Variants in ANKS1B observed in about 807,000 individuals in gnomAD.
The protein encoded by ANKS1B is ankyrin repeat and sterile alpha motif domain containing 1B, also known as ankyrin repeat and sterile alpha motif domain-containing protein 1B.
In ANKS1B, 36 loss-of-function variants were observed where a neutral mutation model predicts 148.3. The observed-to-expected ratio is 0.24, with a 90% confidence interval of 0.19 to 0.32. ANKS1B has a LOEUF of 0.32. ANKS1B is among the 10% of genes least tolerant of loss of function. The probability of loss-of-function intolerance (pLI) is 1.00; values close to 1 mark genes in which losing one functional copy is unlikely to be tolerated. For missense variants in ANKS1B, 1,157 were observed against 1,542.6 expected, an observed-to-expected ratio of 0.75 and a Z score of 4.19; for synonymous variants, 542 against 560.8, an observed-to-expected ratio of 0.97 and a Z score of 0.47.
intron 9 of ANKS1B, among the ~76,000 whole-genome samples, chr12:99,608,075 G>A (rs1424024513): frequency 6.6e-6 from 1 of 152,082 alleles, no homozygotes; most frequent in African/African-American, 2.4e-5. Flanking sequence ...TCTTAGAGCT[G>A]AGGTAAAAGC....
intron 1 of ANKS1B, among the ~76,000 whole-genome samples, chr12:99,935,357 C>CAA (rs10629199): frequency 0.15 from 19,638 of 130,034 alleles, 1,494 homozygotes; most frequent in Middle Eastern, 0.19. Context: ...AGATGCCTGA[C>CAA]AAAAAAAAAA....
At chr12:99,791,683 A>C (rs1410256402) in intron 4 of ANKS1B, among the ~76,000 whole-genome samples, 1 of 152,000 alleles carries the variant, frequency 6.6e-6, no homozygotes, top group Admixed American at 6.6e-5. Flanking sequence ...ATCAGAAAGA[A>C]AATTTAAAAA....
intron 8 of ANKS1B, among the ~76,000 whole-genome samples, chr12:99,661,659 G>A (rs2098478130): frequency 6.6e-6 from 1 of 152,034 alleles, no homozygotes; most frequent in Non-Finnish European, 1.5e-5. Context: ...GGTTTTCTCT[G>A]GCAAAGACTA....
intron 17 of ANKS1B, among the ~76,000 whole-genome samples, chr12:98,965,946 T>C (rs1466279037): frequency 2.6e-5 from 4 of 152,122 alleles, no homozygotes; most frequent in Non-Finnish European, 4.4e-5. Context: ...ATAAAAACCC[T>C]AGAAGAAAAC....
At chr12:98,903,074 TTCTC>T (rs775986148) in intron 17 of ANKS1B, among the ~76,000 whole-genome samples, 39 of 152,144 alleles carry the variant, frequency 2.6e-4, no homozygotes, top group Non-Finnish European at 5.3e-4. Flanking sequence ...ATTATGATAA[TTCTC>T]TAGGAATGCA....
chr12:98,944,152 T>G (rs2099841398), intron 17 of ANKS1B, among the ~76,000 whole-genome samples: 1 of 151,888 alleles, frequency 6.6e-6, no homozygotes, highest in South Asian at 2.1e-4. Flanking sequence ...ATACAAAAAC[T>G]AGCTGGGTGT....
Position 99,307,282 on chromosome 12 carries a change from T to C in ANKS1B, c.1757-60418A>G, listed in dbSNP as rs367543321. On this transcript the variant is annotated intron_variant, in intron 12 of 26. Transcript: ENST00000683438. ...TTTCAGGGAGGAAAATCCAGGTTTATATGCAAAAATGTAGCCAGTATGCAT... is the reference window on the plus strand; with the variant it reads ...TTTCAGGGAGGAAAATCCAGGTTTACATGCAAAAATGTAGCCAGTATGCAT... Among the ~76,000 whole-genome samples, 29 of 152,146 alleles carry C rather than the reference T, an allele frequency of 1.9e-4. No homozygotes were observed. The South Asian group carries it at 6.0e-3, about 32-fold the overall frequency.
chr12:98,889,423 C>T (rs1234816644), intron 17 of ANKS1B, among the ~76,000 whole-genome samples: 1 of 152,022 alleles, frequency 6.6e-6, no homozygotes, highest in African/African-American at 2.4e-5. Flanking sequence ...TCTCGGCTCA[C>T]TGCAACCTCC....
In ANKS1B at chr12:99,717,499, C is replaced by T. The variant is rs565038499; in HGVS notation, c.1128+55423G>A. ...TCTGGCCACCAGGCCAAGGAATGCC[C>T]ACAGCCCGGGATTCCTCCTAAGCCG... is the stretch of plus-strand genomic sequence containing the variant. On this transcript the variant is annotated intron_variant, in intron 8 of 26. Transcript: ENST00000683438. Among the ~76,000 whole-genome samples the T allele has an allele frequency of 3.3e-5, 5 of 152,292 alleles. No individual in the cohort carries two copies. In the East Asian group the frequency reaches 5.8e-4, roughly 18 times the overall value.
intron 22 of ANKS1B, among the ~76,000 whole-genome samples, chr12:98,786,500 A>G (rs566760044): frequency 2.0e-5 from 3 of 152,328 alleles, no homozygotes; most frequent in Admixed American, 2.0e-4. Flanking sequence ...TTTTAATTTT[A>G]AATTATGAAC....
intron 1 of ANKS1B, among the ~76,000 whole-genome samples, chr12:99,861,575 G>T (rs2090018124): frequency 6.6e-6 from 1 of 151,834 alleles, no homozygotes; most frequent in African/African-American, 2.4e-5. Context: ...ATTATATTTG[G>T]GAAAAGCTAC....
At chr12:99,947,438 T>C (rs1422382738) in intron 1 of ANKS1B, among the ~76,000 whole-genome samples, 2 of 151,678 alleles carry the variant, frequency 1.3e-5, no homozygotes, top group African/African-American at 4.8e-5. Context: ...GGCAAGAAAA[T>C]TGAGACAGTG....
intron 15 of ANKS1B, among the ~76,000 whole-genome samples, chr12:99,153,752 C>T (rs1036421216): frequency 2.0e-5 from 3 of 152,110 alleles, no homozygotes; most frequent in Admixed American, 6.6e-5. Context: ...TGGAAGTAAA[C>T]GCTCTCCATA....
Position 99,796,542 on chromosome 12 carries a change from G to T in ANKS1B, c.669+9862C>A, listed in dbSNP as rs568312032. On this transcript the variant is annotated intron_variant, in intron 4 of 26. Coordinates refer to ENST00000683438, the MANE Select transcript of ANKS1B (RefSeq NM_001352186.2). The stretch of plus-strand genomic sequence containing the variant: ...TGGCAGCTTGGCTTTTAGTATCTCT[G>T]AAAATTCATATATCCTATGAGAAAC... Among the ~76,000 whole-genome samples, 8 of 151,950 alleles carry T rather than the reference G, an allele frequency of 5.3e-5. No homozygotes were observed. In the South Asian group the frequency reaches 8.3e-4, roughly 16 times the overall value.
intron 17 of ANKS1B, among the ~76,000 whole-genome samples, chr12:98,927,420 G>C (rs1279711691): frequency 3.3e-5 from 5 of 151,986 alleles, no homozygotes; most frequent in Admixed American, 6.6e-5. Flanking sequence ...AAGAGTACCA[G>C]TACAAGTAAC....
At chr12:99,413,642 T>A (rs1483830893) in intron 11 of ANKS1B, among the ~76,000 whole-genome samples, 2 of 152,228 alleles carry the variant, frequency 1.3e-5, no homozygotes, top group Admixed American at 6.5e-5. Context: ...AGAAAATTTT[T>A]AAAAATCTTT....
intron 17 of ANKS1B, among the ~76,000 whole-genome samples, chr12:98,973,001 C>T (rs537064405): frequency 6.6e-6 from 1 of 152,172 alleles, no homozygotes; most frequent in South Asian, 2.1e-4. Context: ...TAAAACAAAC[C>T]TCAAAATTTC....
At chr12:99,540,691 C>T (rs1012657104) in intron 9 of ANKS1B, among the ~76,000 whole-genome samples, 5 of 151,606 alleles carry the variant, frequency 3.3e-5, no homozygotes, top group African/African-American at 1.2e-4. Flanking sequence ...AGCTGTAAGC[C>T]TATTTTTAAA....
At chr12:99,569,730 C>G (rs1238280239) in intron 9 of ANKS1B, among the ~76,000 whole-genome samples, 1 of 152,162 alleles carries the variant, frequency 6.6e-6, no homozygotes, top group East Asian at 1.9e-4. Flanking sequence ...GAATGACTTG[C>G]CTCCAGTGAC....
Sources: allele counts gnomAD v4.1 joint callset (sites outside exome capture counted in the v4.1 genomes callset), GRCh38; gene constraint gnomAD v4.1.1; transcripts MANE v1.5; gene names NCBI Gene and HGNC (gene_info 2026-07-23, HGNC 2026-07-21).